Variants in STXBP5 observed in about 807,000 individuals in gnomAD.
STXBP5 encodes the protein syntaxin binding protein 5.
STXBP5 carries 50 observed loss-of-function variants against 152.4 expected under a neutral mutation model. The ratio of observed to expected loss-of-function variants is 0.33; its 90% CI spans 0.26 to 0.42. STXBP5 has a LOEUF of 0.42. Among genes scored for constraint, STXBP5 ranks in the 10% least tolerant of loss-of-function variants. The pLI, the probability that STXBP5 is intolerant of heterozygous loss-of-function variation, is 1.00. For missense variants in STXBP5, 1,167 were observed against 1,388.6 expected (o/e 0.84, Z 2.54); for synonymous variants, 492 against 494.7 (o/e 0.99, Z 0.07).
rs1776466835 is a variant in STXBP5 at position 147,204,985 on chromosome 6, T to G, written c.150+303T>G. On this transcript the variant is annotated intron_variant, in intron 1 of 27. Coordinates refer to ENST00000321680, the MANE Select transcript of STXBP5 (RefSeq NM_001127715.4). The surrounding 1 kb of genome is among the most constrained non-coding windows in gnomAD (Gnocchi z 4.3). The stretch of plus-strand genomic sequence containing the variant: ...TATTCTGACACTGCCAGTAATAACC[T>G]GGAAGCTTTTATATTCAAGCGTTTT... Among the ~76,000 whole-genome samples, 1 of 152,172 alleles carries G rather than the reference T, an allele frequency of 6.6e-6. No individual in the cohort carries two copies.
chr6:147,206,003 A>G lies in STXBP5; in HGVS notation c.183A>G (p.Ser61=), dbSNP rs776591872. The G allele has an allele frequency of 1.9e-6, 3 of 1,614,034 alleles. No individual in the cohort carries two copies. The highest frequency in any genetic ancestry group is 2.7e-5 in the African/African-American group (2 of 74,938). Reference sequence around the variant, plus strand: ...GCCATGGATTTCCCTATCAACCCTCAGCCCTGGCCTTTGATCCTGTACAGA... The same window carrying G: ...GCCATGGATTTCCCTATCAACCCTCGGCCCTGGCCTTTGATCCTGTACAGA... ...TVRHGFPYQP[S]ALAFDPVQKI... is the part of the protein sequence containing the mutation. The change falls in exon 2 of 28, where the codon TCA becomes TCG. Residue 61 remains serine (S), a synonymous_variant. Coordinates refer to ENST00000321680, the MANE Select transcript of STXBP5 (RefSeq NM_001127715.4).
intron 2 of STXBP5, among the ~76,000 whole-genome samples, chr6:147,221,362 A>G (rs924735829): frequency 6.6e-6 from 1 of 151,932 alleles, no homozygotes; most frequent in Non-Finnish European, 1.5e-5. Context: ...TTTTGCCTCT[A>G]TTTCTCTGAT....
At chr6:147,332,351 G>C (rs114485492) in intron 18 of STXBP5, among the ~76,000 whole-genome samples, 11 of 152,138 alleles carry the variant, frequency 7.2e-5, no homozygotes, top group African/African-American at 2.7e-4. Flanking sequence ...ATAGTGCCGA[G>C]GGGAAAAGTA....
At chr6:147,281,792 G>A (rs1231843461) in intron 8 of STXBP5, among the ~76,000 whole-genome samples, 1 of 152,160 alleles carries the variant, frequency 6.6e-6, no homozygotes, top group Non-Finnish European at 1.5e-5. Context: ...TGAAGAATCT[G>A]TTCAGAAGGT....
At chr6:147,372,495 T>C (rs1174450949) in intron 25 of STXBP5, among the ~76,000 whole-genome samples, 3 of 128,568 alleles carry the variant, frequency 2.3e-5, no homozygotes, top group African/African-American at 8.6e-5. Flanking sequence ...AGTGCAGTGG[T>C]GCAATCTCTG....
At chr6:147,275,219 T>G (rs1013632224) in intron 7 of STXBP5, among the ~76,000 whole-genome samples, 5 of 152,158 alleles carry the variant, frequency 3.3e-5, no homozygotes, top group Admixed American at 3.3e-4. Context: ...AATTTTATCA[T>G]AAATGAAAAT....
chr6:147,315,792 T>C lies in STXBP5; in HGVS notation c.1623+57T>C, dbSNP rs990969014. On this transcript the variant is annotated intron_variant, in intron 15 of 27. Transcript: ENST00000321680. Reference sequence around the variant, plus strand: ...GTTATTTTCATCCACATTTTTAAATTTGTGGATGATTTGGAAGACTTTTTG... The same window carrying C: ...GTTATTTTCATCCACATTTTTAAATCTGTGGATGATTTGGAAGACTTTTTG... 2.6e-5 allele frequency: 40 copies of C among 1,520,042 alleles called. No homozygotes were observed. In the Admixed American group the frequency reaches 7.0e-4, roughly 27 times the overall value. The allele number at this position is 1,520,042 out of a possible 1,614,324, so 94.2% of individuals were successfully genotyped here.
chr6:147,388,690 G>A lies in STXBP5; in HGVS notation c.*3935G>A, dbSNP rs1460810084. On this transcript the variant is annotated 3_prime_UTR_variant, in exon 28 of 28. Coordinates refer to ENST00000321680, the MANE Select transcript of STXBP5 (RefSeq NM_001127715.4). ...TATGCTTTAAAAAACCCTCTATTGA[G>A]CATTTTCAAATATTAATTTTATTTT... The A allele has an allele frequency of 2.0e-5, 3 of 151,090 alleles. No individual in the cohort carries two copies. The highest frequency in any genetic ancestry group is 4.8e-5 in the African/African-American group (2 of 41,254). The allele number at this position is 151,090 out of a possible 1,614,324, so 9.4% of individuals were successfully genotyped here.
At chr6:147,226,893 T>A (rs145456123) in intron 2 of STXBP5, among the ~76,000 whole-genome samples, 1 of 152,030 alleles carries the variant, frequency 6.6e-6, no homozygotes, top group Non-Finnish European at 1.5e-5. Context: ...CTTTACCTCC[T>A]AGGAGCTACT....
intron 21 of STXBP5, among the ~76,000 whole-genome samples, chr6:147,347,488 T>G (rs1784391925): frequency 6.6e-6 from 1 of 152,180 alleles, no homozygotes; most frequent in Admixed American, 6.5e-5. Flanking sequence ...TTAAATCCAT[T>G]TAAACTTAAA....
chr6:147,297,215 T>G (rs185138104), intron 9 of STXBP5, among the ~76,000 whole-genome samples: 85 of 152,238 alleles, frequency 5.6e-4, no homozygotes, highest in African/African-American at 1.8e-3. Flanking sequence ...AAAAAGTGCC[T>G]TGTCACATGT....
At chr6:147,316,478 G>A in intron 16 of STXBP5, 71 bp downstream of exon 16, 1 of 1,287,308 alleles carries the variant, frequency 7.8e-7, no homozygotes, top group Non-Finnish European at 1.0e-6. Flanking sequence ...AAGCATTAGA[G>A]CTATGGTAAC....
rs774107469 is a variant in STXBP5 at position 147,205,977 on chromosome 6, C to T, written c.157C>T (p.Arg53Cys). ...GTCACTTGCCCATCCCTAGACTGTT[C>T]GCCATGGATTTCCCTATCAACCCTC... is the stretch of plus-strand genomic sequence containing the variant. ...SEHFQLCKTV[R>C]HGFPYQPSAL... Residue 53 changes from arginine (R) to cysteine (C), a missense_variant, in exon 2 of 28, where the codon CGC becomes TGC. By Grantham distance (180) the Arg-to-Cys change is radical (BLOSUM62 -3). Around this residue, in one of 3 missense-constraint regions of STXBP5, gnomAD observed 310 missense variants for 346.1 expected, o/e 0.90. Coordinates refer to ENST00000321680, the MANE Select transcript of STXBP5 (RefSeq NM_001127715.4). The T allele has an allele frequency of 6.2e-6, 10 of 1,613,866 alleles. No homozygotes were observed. In the Admixed American group the frequency reaches 1.2e-4, roughly 19 times the overall value.
At chr6:147,252,830 C>T (rs999956798) in intron 4 of STXBP5, among the ~76,000 whole-genome samples, 1 of 152,080 alleles carries the variant, frequency 6.6e-6, no homozygotes, top group African/African-American at 2.4e-5. Flanking sequence ...GCCTACCAAC[C>T]AAAGAAAGCC....
intron 1 of STXBP5, among the ~76,000 whole-genome samples, chr6:147,205,502 T>C (rs890024017): frequency 5.3e-5 from 8 of 152,060 alleles, no homozygotes; most frequent in Non-Finnish European, 1.2e-4. Context: ...GGATAGAGGT[T>C]TGATTATTGC....
chr6:147,253,704 AAG>A (rs1779214440), intron 4 of STXBP5, among the ~76,000 whole-genome samples: 1 of 152,192 alleles, frequency 6.6e-6, no homozygotes, highest in Admixed American at 6.5e-5. Context: ...CATAGCTACA[AAG>A]AGAATAAAAT....
rs371298592 is a variant in STXBP5, at chr6:147,204,998, A to G, written c.150+316A>G. ...CCAGTAATAACCTGGAAGCTTTTAT[A>G]TTCAAGCGTTTTAATATGATTCACC... On this transcript the variant is annotated intron_variant, in intron 1 of 27. Transcript: ENST00000321680. The surrounding 1 kb of genome is among the most constrained non-coding windows in gnomAD (Gnocchi z 4.3). Among the ~76,000 whole-genome samples the G allele has an allele frequency of 6.6e-5, 10 of 152,248 alleles. No individual in the cohort carries two copies. In the East Asian group the frequency reaches 1.9e-3, roughly 29 times the overall value.
chr6:147,337,214 C>CACACACACACACACACACACACACACAA (rs150169446), intron 19 of STXBP5, among the ~76,000 whole-genome samples: 3,012 of 147,292 alleles, frequency 0.02, 57 homozygotes, highest in Admixed American at 0.037. Context: ...CACACACACA[C>CACACACACACACACACACACACACACAA]AAGAAGTCAT....
intron 14 of STXBP5, 45 bp from the exon 15 acceptor site, chr6:147,315,470 A>G (rs770606305): frequency 1.5e-6 from 2 of 1,325,788 alleles, no homozygotes; most frequent in South Asian, 1.3e-5. Flanking sequence ...CTTATGTTTG[A>G]TCATTTTATA....
Sources: allele counts gnomAD v4.1 joint callset (sites outside exome capture counted in the v4.1 genomes callset), GRCh38; gene constraint gnomAD v4.1.1; regional missense constraint gnomAD v4.1.1; non-coding constraint Gnocchi (gnomAD v3.1); transcripts MANE v1.5; gene names NCBI Gene and HGNC (gene_info 2026-07-23, HGNC 2026-07-21).